Variants in KIF26A observed in about 807,000 individuals in gnomAD.
KIF26A encodes kinesin-like protein KIF26A.
A neutral mutation model predicts 126.0 loss-of-function variants in KIF26A; 74 were observed. The ratio of observed to expected loss-of-function variants is 0.59; its 90% confidence interval spans 0.49 to 0.71. KIF26A has a LOEUF of 0.71. Among genes scored for constraint, KIF26A ranks in the 30% least tolerant of loss-of-function variants. The probability of loss-of-function intolerance (pLI) is 0.00; values close to 1 mark genes in which losing one functional copy is unlikely to be tolerated. For missense variants in KIF26A, 2,984 were observed against 2,763.3 expected, an observed-to-expected ratio of 1.08 and a Z score of -1.79; for synonymous variants, 1,445 against 1,232.7, an observed-to-expected ratio of 1.17 and a Z score of -3.61.
Position 104,176,363 on chromosome 14 carries a change from C to T in KIF26A, c.3575C>T (p.Pro1192Leu). ...GCCCCATCCCGACCCGGCAGGGAGC[C>T]CCAGGCCGGGCCCTCGCGGTGGGCA... ...AVAPSRPGREPQAGPSRWASA... is the reference protein window; with the variant it reads ...AVAPSRPGRELQAGPSRWASA... Residue 1192 changes from proline (P) to leucine (L), a missense_variant, in exon 12 of 15, where the codon CCC becomes CTC. Coordinates refer to ENST00000423312, the MANE Select transcript of KIF26A (RefSeq NM_015656.2). 6.3e-7 allele frequency: 1 copy of T among 1,583,588 alleles called. No individual in the cohort carries two copies. The highest frequency in any genetic ancestry group is 8.6e-7 in the Non-Finnish European group (1 of 1,161,964).
intron 11 of KIF26A, 97 bp downstream of exon 11, chr14:104,174,407 G>C: frequency 8.0e-7 from 1 of 1,250,098 alleles, no homozygotes; most frequent in Non-Finnish European, 1.1e-6. Context: ...GGGTCAGCAG[G>C]TGGCCTGGAG....
chr14:104,153,676 G>C (rs1350078325), intron 3 of KIF26A, among the ~76,000 whole-genome samples: 1 of 152,070 alleles, frequency 6.6e-6, no homozygotes, highest in African/African-American at 2.4e-5. Flanking sequence ...GGATGGTGCT[G>C]GGGGCTGCAG....
intron 5 of KIF26A, among the ~76,000 whole-genome samples, chr14:104,167,450 A>G (rs1036627308): frequency 6.6e-6 from 1 of 152,050 alleles, no homozygotes; most frequent in Non-Finnish European, 1.5e-5. Flanking sequence ...CACCGTGTGC[A>G]GGCGGGCCCC....
Position 104,172,592 on chromosome 14 carries a change from G to T in KIF26A, c.1344G>T (p.Gly448=). The stretch of plus-strand genomic sequence containing the variant: ...CCCCCTAGGCCGAAGTCTGCTCGGG[G>T]ACCGTGGCCGACGTGCTCCAGTCGG... ...QDSEQAEVCS[G]TVADVLQSVV... is the part of the protein sequence containing the mutation. The change falls in exon 7 of 15, where the codon GGG becomes GGT. Residue 448 remains glycine, a synonymous_variant. Coordinates refer to ENST00000423312, the MANE Select transcript of KIF26A (RefSeq NM_015656.2). 1 of 1,613,034 alleles carries T rather than the reference G, an allele frequency of 6.2e-7. No individual in the cohort carries two copies. The highest frequency in any genetic ancestry group is 1.1e-5 in the South Asian group (1 of 91,072).
intron 2 of KIF26A, among the ~76,000 whole-genome samples, chr14:104,140,894 T>C (rs1566852951): frequency 6.6e-6 from 1 of 152,144 alleles, no homozygotes; most frequent in Non-Finnish European, 1.5e-5. Context: ...TGTTCTGCTC[T>C]GGGCCCCCTT....
Position 104,179,730 on chromosome 14 carries a change from C to A in KIF26A, c.5589C>A (p.Cys1863Ter), listed in dbSNP as rs1225457961. The change falls in exon 15 of 15, where the codon TGC (cysteine) becomes TGA (stop). Residue 1863 changes from cysteine to a stop codon, truncating the protein, a stop_gained. Transcript: ENST00000423312. LOFTEE classifies it high-confidence loss of function. ...AGGCGCACGTCATGATGGTCACCTG[C>A]TTCGACATCAGCGTTGCAGCCAGTG... Reference protein sequence around the residue: ...LCKAHVMMVTCFDISVAASAA... With the variant: ...LCKAHVMMVT 1.3e-6 allele frequency: 2 copies of A among 1,554,104 alleles called. No individual in the cohort carries two copies. The highest frequency in any genetic ancestry group is 1.7e-6 in the Non-Finnish European group (2 of 1,149,446).
intron 4 of KIF26A, among the ~76,000 whole-genome samples, chr14:104,163,837 G>A (rs1440985266): frequency 2.0e-5 from 3 of 151,928 alleles, no homozygotes; most frequent in East Asian, 4.0e-4. Context: ...GCCAGCTGTG[G>A]GCAAGGAACC....
At chr14:104,167,207 G>T (rs2037915250) in intron 5 of KIF26A, among the ~76,000 whole-genome samples, 159 bp downstream of exon 5, 1 of 152,186 alleles carries the variant, frequency 6.6e-6, no homozygotes, top group Non-Finnish European at 1.5e-5. Flanking sequence ...CCAGGTGGCA[G>T]CAGGGAGCCT....
intron 4 of KIF26A, 68 bp downstream of exon 4, chr14:104,158,010 G>A (rs1596138780): frequency 1.4e-6 from 2 of 1,405,022 alleles, no homozygotes; most frequent in East Asian, 2.7e-5. Flanking sequence ...GGGCCCCTGG[G>A]GACCTATGGG....
intron 4 of KIF26A, among the ~76,000 whole-genome samples, chr14:104,165,531 CTT>C (rs1350972172): frequency 1.0e-5 from 1 of 99,406 alleles, no homozygotes; most frequent in Non-Finnish European, 1.9e-5. Flanking sequence ...ATGTGTGTAT[CTT>C]TGTGTCTATG....
intron 5 of KIF26A, 68 bp downstream of exon 5, chr14:104,167,116 G>C: frequency 7.1e-7 from 1 of 1,407,188 alleles, no homozygotes; most frequent in African/African-American, 1.5e-5. Context: ...ACGCAGGAGG[G>C]GTGAGGGAGT....
chr14:104,178,531 G>A lies in KIF26A; in HGVS notation c.5111-19G>A. ...TGGGCCCCGCCTCTGTTCACCCTGT[G>A]CCCGGCTCTCCGTTCCAGGTCTGCA... is the stretch of plus-strand genomic sequence containing the variant. On this transcript the variant is annotated intron_variant, in intron 12 of 14. Coordinates refer to ENST00000423312, the MANE Select transcript of KIF26A (RefSeq NM_015656.2). 2.1e-6 allele frequency: 3 copies of A among 1,441,616 alleles called. No individual in the cohort carries two copies. Among genetic ancestry groups the A allele is most frequent in the Non-Finnish European group, 2.7e-6 (3 of 1,095,020 alleles). 89.3% of individuals were successfully genotyped at this position (1,441,616 alleles called of 1,614,324 possible). A position where few individuals can be genotyped will look rare whatever the true frequency, so the allele number is the denominator to read the frequency against.
intron 2 of KIF26A, among the ~76,000 whole-genome samples, chr14:104,146,015 G>A (rs2037677328): frequency 6.6e-6 from 1 of 152,246 alleles, no homozygotes; most frequent in Non-Finnish European, 1.5e-5. Flanking sequence ...CCAAGATGGG[G>A]CCAGCAGGGC....
At position 104,179,727 on chromosome 14, in the gene KIF26A, C is replaced by A; in HGVS notation, c.5586C>A (p.Thr1862=). Residue 1862 remains threonine, a synonymous_variant, in exon 15 of 15, where the codon ACC becomes ACA. Coordinates refer to ENST00000423312, the MANE Select transcript of KIF26A (RefSeq NM_015656.2). ...NLCKAHVMMV[T]CFDISVAASA... is the part of the protein sequence containing the mutation. ...GCAAGGCGCACGTCATGATGGTCACCTGCTTCGACATCAGCGTTGCAGCCA... is the reference window on the plus strand; with the variant it reads ...GCAAGGCGCACGTCATGATGGTCACATGCTTCGACATCAGCGTTGCAGCCA... 6.4e-7 allele frequency: 1 copy of A among 1,553,814 alleles called. No individual in the cohort carries two copies. Among genetic ancestry groups the A allele is most frequent in the Non-Finnish European group, 8.7e-7 (1 of 1,149,186 alleles).
Position 104,176,555 on chromosome 14 carries a change from C to T in KIF26A, c.3767C>T (p.Ser1256Phe). 1.9e-6 allele frequency: 3 copies of T among 1,606,298 alleles called. No homozygotes were observed. The highest frequency in any genetic ancestry group is 2.7e-5 in the African/African-American group (2 of 75,044). Reference sequence around the variant, plus strand: ...GGGGAGTGTGATACCCAGGCAGCTTCTGCTGGCAGGGCCCCCAGCCCCACA... The same window carrying T: ...GGGGAGTGTGATACCCAGGCAGCTTTTGCTGGCAGGGCCCCCAGCCCCACA... ...RVGECDTQAA[S>F]AGRAPSPTLG... The change falls in exon 12 of 15, where the codon TCT (serine) becomes TTT (phenylalanine). Residue 1256 changes from serine to phenylalanine, a missense_variant. Coordinates refer to ENST00000423312, the MANE Select transcript of KIF26A (RefSeq NM_015656.2).
chr14:104,177,698 T>A lies in KIF26A; in HGVS notation c.4910T>A (p.Leu1637Gln). The change falls in exon 12 of 15, where the codon CTG (leucine) becomes CAG (glutamine). Residue 1637 changes from leucine to glutamine, a missense_variant. Transcript: ENST00000423312. The stretch of plus-strand genomic sequence containing the variant: ...CATGGCAGCGACAACAGCAGCGTGC[T>A]GAGTGGAGAGCTGCCGCCCGCCATG... ...SGHGSDNSSVLSGELPPAMGR... is the reference protein window; with the variant it reads ...SGHGSDNSSVQSGELPPAMGR... 6.5e-7 allele frequency: 1 copy of A among 1,531,952 alleles called. No individual in the cohort carries two copies. Among genetic ancestry groups the A allele is most frequent in the Non-Finnish European group, 8.7e-7 (1 of 1,144,672 alleles). The allele number at this position is 1,531,952 out of a possible 1,614,324, so 94.9% of individuals were successfully genotyped here.
chr14:104,158,497 C>T (rs117285014), intron 4 of KIF26A, among the ~76,000 whole-genome samples: 5,646 of 152,276 alleles, frequency 0.037, 127 homozygotes, highest in South Asian at 0.044. Context: ...GCCCACGGTG[C>T]CAGCCGGGCT....
At position 104,176,557 on chromosome 14, in the gene KIF26A, G is replaced by A; in HGVS notation, c.3769G>A (p.Ala1257Thr). 1.2e-6 allele frequency: 2 copies of A among 1,606,436 alleles called. No individual in the cohort carries two copies. The highest frequency in any genetic ancestry group is 1.7e-6 in the Non-Finnish European group (2 of 1,179,684). ...GGAGTGTGATACCCAGGCAGCTTCT[G>A]CTGGCAGGGCCCCCAGCCCCACACT... ...VGECDTQAAS[A>T]GRAPSPTLGS... is the part of the protein sequence containing the mutation. Residue 1257 changes from alanine to threonine, a missense_variant, in exon 12 of 15, where the codon GCT (alanine) becomes ACT (threonine). Coordinates refer to ENST00000423312, the MANE Select transcript of KIF26A (RefSeq NM_015656.2).
rs748181568 is a variant in KIF26A, at chr14:104,176,403, C to T, written c.3615C>T (p.Thr1205=). 1.3e-6 allele frequency: 2 copies of T among 1,591,360 alleles called. No homozygotes were observed. Among genetic ancestry groups the T allele is most frequent in the Non-Finnish European group, 8.6e-7 (1 of 1,165,748 alleles). Residue 1205 remains threonine, a synonymous_variant, in exon 12 of 15, where the codon ACC becomes ACT. Transcript: ENST00000423312. ...CGCGGTGGGCATCCGCAGCCCAGAC[C>T]ATCCACTCCAGCCTCCCCCGGAAAC... ...GPSRWASAAQ[T]IHSSLPRKPR...
Sources: gnomAD v4.1 joint callset for allele counts (sites outside exome capture counted in the v4.1 genomes callset) on GRCh38, gnomAD v4.1.1 for gene constraint, MANE v1.5 for transcripts, NCBI Gene and HGNC (gene_info 2026-07-23, HGNC 2026-07-21) for gene names.